TAF6L: variants seen among roughly 807,000 people sequenced by gnomAD.
TAF6L encodes TATA-box binding protein associated factor 6 like.
TAF6L carries 34 observed loss-of-function variants against 57.3 expected under a neutral mutation model. That is an observed-to-expected ratio of 0.59 (90% CI 0.45 to 0.79). TAF6L has a LOEUF of 0.79. Among genes scored for constraint, TAF6L ranks in the 30% least tolerant of loss-of-function variants. TAF6L has a pLI of 0.00. For synonymous variants in TAF6L, 417 were observed against 376.3 expected, an observed-to-expected ratio of 1.11 and a Z score of -1.25; for missense variants, 782 against 853.2, an observed-to-expected ratio of 0.92 and a Z score of 1.04.
At chr11:62,772,101 A>C (rs768829869) in intron 1 of TAF6L, 12 of 456,270 alleles carry the variant, frequency 2.6e-5, no homozygotes, top group South Asian at 1.9e-4. Context: ...GAAGTCATGG[A>C]ACATTTAGCC....
At chr11:62,780,006 G>T (rs2084216943) in intron 6 of TAF6L, among the ~76,000 whole-genome samples, 1 of 124,198 alleles carries the variant, frequency 8.1e-6, no homozygotes, top group African/African-American at 3.1e-5. Flanking sequence ...TAGAGACAGG[G>T]TCTCACTGTA....
In TAF6L at chr11:62,775,817, A is replaced by G; in HGVS notation, c.34A>G (p.Ile12Val). Residue 12 changes from isoleucine to valine, a missense_variant, in exon 2 of 11, where the codon ATC (isoleucine) becomes GTC (valine). Physicochemically the swap from Ile to Val is conservative, Grantham distance 29 (BLOSUM62 3). Around this residue, in one of 3 missense-constraint regions of TAF6L, gnomAD observed 220 missense variants for 252.1 expected, o/e 0.87. Coordinates refer to ENST00000294168, the MANE Select transcript of TAF6L (RefSeq NM_006473.4). ...SEREERRFVE[I>V]PRESVRLMAE... is the part of the protein sequence containing the mutation. The stretch of plus-strand genomic sequence containing the variant: ...GCGAGAAGAGCGGCGGTTTGTGGAG[A>G]TCCCTCGGGAGTCTGTCCGGCTCAT... 1 of 1,611,892 alleles carries G rather than the reference A, an allele frequency of 6.2e-7. No individual in the cohort carries two copies. Among genetic ancestry groups the G allele is most frequent in the Non-Finnish European group, 8.5e-7 (1 of 1,179,816 alleles).
chr11:62,775,781 G>C lies in TAF6L; in HGVS notation c.-3G>C. On this transcript the variant is annotated 5_prime_UTR_variant, in exon 2 of 11. Transcript: ENST00000294168. The stretch of plus-strand genomic sequence containing the variant: ...ATTCTCCACTCCCAGCTCCACTGGG[G>C]CCATGTCAGAGCGAGAAGAGCGGCG... The C allele has an allele frequency of 6.2e-7, 1 of 1,605,972 alleles. No individual in the cohort carries two copies. Among genetic ancestry groups the C allele is most frequent in the Non-Finnish European group, 8.5e-7 (1 of 1,179,052 alleles).
At chr11:62,782,410 C>T (rs1010276074) in intron 8 of TAF6L, 77 bp downstream of exon 8, 60 of 1,486,744 alleles carry the variant, frequency 4.0e-5, no homozygotes, top group Non-Finnish European at 5.2e-5. Flanking sequence ...GGGGCGAAGC[C>T]TCTGGCTTTG....
In TAF6L at chr11:62,786,243, C is replaced by T; in HGVS notation, c.961-17C>T. 1 of 1,605,488 alleles carries T rather than the reference C, an allele frequency of 6.2e-7. No homozygotes were observed. Among genetic ancestry groups the T allele is most frequent in the East Asian group, 2.2e-5 (1 of 44,594 alleles). ...GTATCAAAGACATGCTAACTGTATT[C>T]CTTCTCTTCCTTCCAGGCAGTAGAA... On this transcript the variant is annotated splice_polypyrimidine_tract_variant and intron_variant, in intron 9 of 10. Coordinates refer to ENST00000294168, the MANE Select transcript of TAF6L (RefSeq NM_006473.4).
At chr11:62,781,789 A>G (rs2084231653) in intron 6 of TAF6L, 105 bp from the exon 7 acceptor site, 6 of 993,038 alleles carry the variant, frequency 6.0e-6, no homozygotes, top group South Asian at 1.4e-5. Flanking sequence ...GAACATTAAA[A>G]TTGTAAAACA....
In TAF6L at chr11:62,786,262, A is replaced by G. The variant is rs566145471; in HGVS notation, c.963A>G (p.Ala321=). The G allele has an allele frequency of 7.2e-5, 116 of 1,611,194 alleles. No individual in the cohort carries two copies. Among genetic ancestry groups the G allele is most frequent in the Non-Finnish European group, 9.6e-5 (113 of 1,177,622 alleles). ...VVGLHALGWK[A]VERVLYPHLS... Reference sequence around the variant, plus strand: ...TGTATTCCTTCTCTTCCTTCCAGGCAGTAGAACGAGTCCTGTACCCACACC... The same window carrying G: ...TGTATTCCTTCTCTTCCTTCCAGGCGGTAGAACGAGTCCTGTACCCACACC... The change falls in exon 10 of 11, where the codon GCA becomes GCG. Residue 321 remains alanine, a splice_region_variant and synonymous_variant. Transcript: ENST00000294168.
At chr11:62,774,609 C>T (rs773402881) in intron 1 of TAF6L, 164 of 454,860 alleles carry the variant, frequency 3.6e-4, no homozygotes, top group Non-Finnish European at 5.4e-4. Context: ...TGGTGCTGTG[C>T]GTTGTTGGAG....
chr11:62,775,821 C>T lies in TAF6L; in HGVS notation c.38C>T (p.Pro13Leu). ...GAAGAGCGGCGGTTTGTGGAGATCC[C>T]TCGGGAGTCTGTCCGGCTCATGGCG... ...EREERRFVEI[P>L]RESVRLMAES... Residue 13 changes from proline to leucine, a missense_variant, in exon 2 of 11, where the codon CCT becomes CTT. Transcript: ENST00000294168. 3 of 1,612,664 alleles carry T rather than the reference C, an allele frequency of 1.9e-6. No individual in the cohort carries two copies. Among genetic ancestry groups the T allele is most frequent in the Non-Finnish European group, 1.7e-6 (2 of 1,179,950 alleles).
At chr11:62,781,603 A>G in intron 6 of TAF6L, 1 of 319,888 alleles carries the variant, frequency 3.1e-6, no homozygotes. Flanking sequence ...AAAACCTGGG[A>G]GGTGGAGCTT....
Position 62,782,271 on chromosome 11 carries a change from C to T in TAF6L, c.765C>T (p.Asn255=), listed in dbSNP as rs1044906786. The part of the protein sequence containing the change: ...CVLEPLAASI[N]PLNDHWTLRD... The stretch of plus-strand genomic sequence containing the variant: ...TGGAGCCACTGGCTGCCTCCATCAA[C>T]CCCCTGAATGACCACTGGACTCTGC... Residue 255 remains asparagine, a synonymous_variant, in exon 8 of 11, where the codon AAC becomes AAT. Coordinates refer to ENST00000294168, the MANE Select transcript of TAF6L (RefSeq NM_006473.4). The T allele has an allele frequency of 3.7e-6, 6 of 1,614,070 alleles. No individual in the cohort carries two copies. The African/African-American group carries it at 6.7e-5, about 18-fold the overall frequency.
Position 62,786,992 on chromosome 11 carries a change from G to C in TAF6L, c.1565G>C (p.Arg522Thr). The C allele has an allele frequency of 1.4e-6, 2 of 1,477,252 alleles. No homozygotes were observed. The highest frequency in any genetic ancestry group is 1.8e-6 in the Non-Finnish European group (2 of 1,124,238). 91.5% of individuals were successfully genotyped at this position (1,477,252 alleles called of 1,614,324 possible). The change falls in exon 11 of 11, where the codon AGG becomes ACG. Residue 522 changes from arginine to threonine, a missense_variant. By Grantham distance (71) the Arg-to-Thr change is moderately conservative (BLOSUM62 -1). Transcript: ENST00000294168. ...TCTGGGCCCGCCGCCTCTGAGAGCAGGCCCTTGCCGCGCGTGCATCGGGCG... is the reference window on the plus strand; with the variant it reads ...TCTGGGCCCGCCGCCTCTGAGAGCACGCCCTTGCCGCGCGTGCATCGGGCG... ...SASGPAASES[R>T]PLPRVHRARG...
At chr11:62,776,176 C>A (rs989288732) in intron 2 of TAF6L, among the ~76,000 whole-genome samples, 1 of 152,194 alleles carries the variant, frequency 6.6e-6, no homozygotes, top group African/African-American at 2.4e-5. Flanking sequence ...TAGATACTCA[C>A]ATTCTGCATG....
chr11:62,774,023 G>A (rs980036740), intron 1 of TAF6L, among the ~76,000 whole-genome samples: 4 of 152,240 alleles, frequency 2.6e-5, no homozygotes, highest in Non-Finnish European at 5.9e-5. Context: ...AAGAGGTATT[G>A]CAGAAGTAGG....
At chr11:62,781,557 C>T (rs567334564) in intron 6 of TAF6L, among the ~76,000 whole-genome samples, 2 of 151,266 alleles carry the variant, frequency 1.3e-5, no homozygotes, top group Non-Finnish European at 2.9e-5. Flanking sequence ...GCCTGTAGTC[C>T]CAGCTACTCG....
At chr11:62,785,195 CT>C (rs770648187) in intron 9 of TAF6L, among the ~76,000 whole-genome samples, 124 of 138,354 alleles carry the variant, frequency 9.0e-4, no homozygotes, top group Non-Finnish European at 1.0e-3. Flanking sequence ...ATTTTCTTTC[CT>C]TTTTTTTTTT....
rs145421020 is a variant in TAF6L at position 62,781,928 on chromosome 11, T to C, written c.566T>C (p.Ile189Thr). 74 of 1,614,044 alleles carry C rather than the reference T, an allele frequency of 4.6e-5. No individual in the cohort carries two copies. The highest frequency in any genetic ancestry group is 8.3e-5 in the Admixed American group (5 of 59,992). Residue 189 changes from isoleucine (I) to threonine (T), a missense_variant, in exon 7 of 11, where the codon ATT becomes ACT. This residue lies in a region of TAF6L where 220 missense variants were observed against 252.1 expected (regional missense o/e 0.87). Coordinates refer to ENST00000294168, the MANE Select transcript of TAF6L (RefSeq NM_006473.4). ...CAGGACTTGCAGACGAACTCCAAGA[T>C]TGGGGCACTCCTGCCTTACTTTGTT... ...ALQDLQTNSK[I>T]GALLPYFVYV... is the part of the protein sequence containing the mutation.
Position 62,787,156 on chromosome 11 carries a change from CT to C in TAF6L, c.1733del (p.Phe578SerfsTer23). ...RQAGRRCRGR[L>X]FQTAFPAPYG... Reference sequence around the variant, plus strand: ...GGCTGGGAGGCGCTGCCGCGGGCGCCTTTTCCAGACTGCCTTCCCCGCGCCG... The same window carrying C: ...GGCTGGGAGGCGCTGCCGCGGGCGCCTTTCCAGACTGCCTTCCCCGCGCCG... On this transcript the variant is annotated frameshift_variant, in exon 11 of 11. Coordinates refer to ENST00000294168, the MANE Select transcript of TAF6L (RefSeq NM_006473.4). LOFTEE classifies it high-confidence loss of function. The C allele has an allele frequency of 1.3e-6, 2 of 1,577,856 alleles. No homozygotes were observed. Among genetic ancestry groups the C allele is most frequent in the Non-Finnish European group, 1.7e-6 (2 of 1,171,324 alleles).
At chr11:62,774,659 CTA>C (rs1369240101) in intron 1 of TAF6L, 1 of 455,116 alleles carries the variant, frequency 2.2e-6, no homozygotes, top group Non-Finnish European at 4.4e-6. Context: ...TCTTATTGTG[CTA>C]TACCCTGTGA....
Sources: gnomAD v4.1 joint callset for allele counts (sites outside exome capture counted in the v4.1 genomes callset) on GRCh38, gnomAD v4.1.1 for gene constraint, gnomAD v4.1.1 regional missense constraint, MANE v1.5 for transcripts, NCBI Gene and HGNC (gene_info 2026-07-23, HGNC 2026-07-21) for gene names.